Variants in NRXN1 observed in about 807,000 individuals in gnomAD.
NRXN1 encodes the protein neurexin-1.
In NRXN1, 39 loss-of-function variants were observed where a neutral mutation model predicts 150.9. The ratio of observed to expected loss-of-function variants is 0.26; its 90% CI spans 0.20 to 0.34. The LOEUF (loss-of-function observed/expected upper bound fraction) is 0.34. NRXN1 is among the 10% of genes least tolerant of loss of function. The probability of loss-of-function intolerance (pLI) is 1.00; values close to 1 mark genes in which losing one functional copy is unlikely to be tolerated. For synonymous variants in NRXN1, 924 were observed against 757.0 expected, an observed-to-expected ratio of 1.22 and a Z score of -3.62; for missense variants, 1,815 against 1,949.9, an observed-to-expected ratio of 0.93 and a Z score of 1.30.
chr2:50,409,774 T>A (rs928802115), intron 17 of NRXN1, among the ~76,000 whole-genome samples: 2 of 152,232 alleles, frequency 1.3e-5, no homozygotes, highest in African/African-American at 2.4e-5. Context: ...TGTGTCAACA[T>A]AAACACATGA....
At chr2:50,493,761 TTCTGCAATGCAGAAGGTA>T (rs2091399379) in intron 15 of NRXN1, among the ~76,000 whole-genome samples, 1 of 152,234 alleles carries the variant, frequency 6.6e-6, no homozygotes, top group Non-Finnish European at 1.5e-5. Flanking sequence ...GCTCTTACTT[TTCTGCAATGCAGAAGGTA>T]TTATTCTATA....
intron 17 of NRXN1, among the ~76,000 whole-genome samples, chr2:50,407,402 C>T (rs2082825973): frequency 6.6e-6 from 1 of 152,298 alleles, no homozygotes; most frequent in South Asian, 2.1e-4. Context: ...AACTACCTCG[C>T]CTTCAGGACA....
At chr2:50,127,378 C>T (rs929791537) in intron 18 of NRXN1, among the ~76,000 whole-genome samples, 4 of 151,940 alleles carry the variant, frequency 2.6e-5, no homozygotes, top group African/African-American at 9.7e-5. Context: ...TTTTTAAAAA[C>T]CTGATAAAAA....
intron 5 of NRXN1, among the ~76,000 whole-genome samples, chr2:50,815,938 C>T (rs1239451410): frequency 6.6e-6 from 1 of 152,112 alleles, no homozygotes; most frequent in East Asian, 1.9e-4. Context: ...AATAAATTAG[C>T]TCATATTCTT....
intron 17 of NRXN1, among the ~76,000 whole-genome samples, chr2:50,430,913 C>T (rs1572944400): frequency 6.6e-6 from 1 of 152,144 alleles, no homozygotes; most frequent in South Asian, 2.1e-4. Flanking sequence ...TACTCTTCAC[C>T]TTCAAGCTCA....
chr2:50,678,030 T>A (rs988918938), intron 5 of NRXN1, among the ~76,000 whole-genome samples: 5 of 152,268 alleles, frequency 3.3e-5, no homozygotes, highest in African/African-American at 4.8e-5. Flanking sequence ...ATATATTTTT[T>A]AAAAAATATC....
chr2:50,337,919 T>G (rs2077297192), intron 17 of NRXN1, among the ~76,000 whole-genome samples: 1 of 152,218 alleles, frequency 6.6e-6, no homozygotes, highest in Admixed American at 6.5e-5. Flanking sequence ...CATCCAGATA[T>G]CAATACCTTG....
intron 2 of NRXN1, among the ~76,000 whole-genome samples, chr2:50,982,185 A>G (rs562275147): frequency 1.1e-4 from 16 of 152,134 alleles, no homozygotes; most frequent in Non-Finnish European, 2.4e-4. Context: ...TTCCACCTTG[A>G]CAGTTCGGTC....
intron 21 of NRXN1, among the ~76,000 whole-genome samples, chr2:49,990,213 T>A (rs1681681971): frequency 6.6e-6 from 1 of 152,120 alleles, no homozygotes. Context: ...GGAGCCAACA[T>A]ATGACTACAG....
intron 18 of NRXN1, among the ~76,000 whole-genome samples, chr2:50,134,701 G>A (rs192367933): frequency 3.6e-4 from 54 of 152,092 alleles, no homozygotes; most frequent in Non-Finnish European, 6.2e-4. Flanking sequence ...ACATACCAAT[G>A]CCTTTTCCTC....
intron 10 of NRXN1, among the ~76,000 whole-genome samples, chr2:50,532,940 GA>G (rs753765279): frequency 5.9e-5 from 9 of 152,136 alleles, no homozygotes; most frequent in Non-Finnish European, 1.2e-4. Context: ...GAATTAAAAT[GA>G]ACCAGGAAAT....
intron 17 of NRXN1, among the ~76,000 whole-genome samples, chr2:50,373,270 T>C (rs550087306): frequency 6.9e-6 from 1 of 145,224 alleles, no homozygotes; most frequent in Non-Finnish European, 1.5e-5. Context: ...AGGATGTCCA[T>C]ATCAGATTTA....
chr2:49,927,552 A>G (rs527474152), intron 22 of NRXN1, among the ~76,000 whole-genome samples: 1 of 152,150 alleles, frequency 6.6e-6, no homozygotes, highest in Non-Finnish European at 1.5e-5. Context: ...ATGTTAATAA[A>G]TTTTTCCAAG....
At chr2:50,272,122 G>A (rs2069759306) in intron 17 of NRXN1, among the ~76,000 whole-genome samples, 2 of 152,188 alleles carry the variant, frequency 1.3e-5, no homozygotes, top group South Asian at 4.1e-4. Context: ...GTCTGACTCA[G>A]AGAACACACA....
intron 2 of NRXN1, among the ~76,000 whole-genome samples, chr2:51,027,052 C>T (rs1163864428): frequency 6.6e-6 from 1 of 152,172 alleles, no homozygotes; most frequent in African/African-American, 2.4e-5. Context: ...CTCTCCTGTG[C>T]TTCATTTCTC....
intron 5 of NRXN1, among the ~76,000 whole-genome samples, chr2:50,748,751 C>T (rs1700265903): frequency 6.6e-6 from 1 of 152,048 alleles, no homozygotes; most frequent in South Asian, 2.1e-4. Flanking sequence ...CCACTGACAA[C>T]TATAAATTCC....
At chr2:49,938,528 C>T (rs1361441455) in intron 22 of NRXN1, among the ~76,000 whole-genome samples, 1 of 152,104 alleles carries the variant, frequency 6.6e-6, no homozygotes, top group Non-Finnish European at 1.5e-5. Flanking sequence ...TTTTCTTCCC[C>T]CAATGACTAA....
intron 17 of NRXN1, among the ~76,000 whole-genome samples, chr2:50,351,100 G>A (rs926829269): frequency 6.6e-6 from 1 of 152,128 alleles, no homozygotes; most frequent in Non-Finnish European, 1.5e-5. Flanking sequence ...CCATTAATTT[G>A]TGTCTCTTCA....
At chr2:50,256,779 G>A (rs935712558) in intron 17 of NRXN1, among the ~76,000 whole-genome samples, 1 of 152,074 alleles carries the variant, frequency 6.6e-6, no homozygotes, top group African/African-American at 2.4e-5. Context: ...AAAATGATGT[G>A]TGTTTATTCT....
Sources: gnomAD v4.1 joint callset for allele counts (sites outside exome capture counted in the v4.1 genomes callset) on GRCh38, gnomAD v4.1.1 for gene constraint, MANE v1.5 for transcripts, NCBI Gene and HGNC (gene_info 2026-07-23, HGNC 2026-07-21) for gene names.